Variants in KCNQ5 observed in about 807,000 individuals in gnomAD.
KCNQ5 encodes the protein potassium voltage-gated channel subfamily Q member 5, also known as potassium voltage-gated channel subfamily KQT member 5.
In KCNQ5, 30 loss-of-function variants were observed where a neutral mutation model predicts 98.2. That is an observed-to-expected ratio of 0.31 (90% CI 0.23 to 0.41). The LOEUF (loss-of-function observed/expected upper bound fraction) is 0.41. KCNQ5 is among the 10% of genes least tolerant of loss of function. The probability of loss-of-function intolerance (pLI) is 1.00; values close to 1 mark genes in which losing one functional copy is unlikely to be tolerated. For missense variants in KCNQ5, 835 were observed against 1,182.5 expected (o/e 0.71, Z 4.31); for synonymous variants, 458 against 449.4 (o/e 1.02, Z -0.24).
intron 3 of KCNQ5, among the ~76,000 whole-genome samples, chr6:73,065,049 GAGAAA>G (rs1377087067): frequency 6.8e-6 from 1 of 146,802 alleles, no homozygotes; most frequent in Admixed American, 6.8e-5. Flanking sequence ...CCTGTAGCAT[GAGAAA>G]AAAAAAAAAA....
Position 72,838,463 on chromosome 6 carries a change from C to T in KCNQ5, c.399-165445C>T, listed in dbSNP as rs536693393. On this transcript the variant is annotated intron_variant, in intron 1 of 13. Coordinates refer to ENST00000370398, the MANE Select transcript of KCNQ5 (RefSeq NM_019842.4). ...TTAAAAACATAGCTTAACAACACTG[C>T]TCTCAAATTATATCACTTTAATTTT... Among the ~76,000 whole-genome samples, 35 of 152,206 alleles carry T rather than the reference C, an allele frequency of 2.3e-4. 1 individual carries two copies. The South Asian group carries it at 6.2e-3, about 27-fold the overall frequency.
chr6:73,096,115 G>C (rs564161389), intron 5 of KCNQ5, among the ~76,000 whole-genome samples: 1 of 152,210 alleles, frequency 6.6e-6, no homozygotes, highest in East Asian at 1.9e-4. Flanking sequence ...AGATCCAAGA[G>C]TCCCAAAATT....
rs538795665 is a variant in KCNQ5, at chr6:72,942,594, A to G, written c.399-61314A>G. Among the ~76,000 whole-genome samples the G allele has an allele frequency of 9.2e-5, 14 of 152,366 alleles. No homozygotes were observed. The South Asian group carries it at 2.7e-3, about 29-fold the overall frequency. On this transcript the variant is annotated intron_variant, in intron 1 of 13. Transcript: ENST00000370398. The stretch of plus-strand genomic sequence containing the variant: ...TACTAATTTACTTTTAACTTTTCAG[A>G]TTATTTTGGGAAAATTTGAATACAG...
chr6:72,679,454 T>G (rs562334368), intron 1 of KCNQ5, among the ~76,000 whole-genome samples: 1 of 151,868 alleles, frequency 6.6e-6, no homozygotes, highest in Admixed American at 6.6e-5. Context: ...ATCATCATTC[T>G]CAGTAAAGTA....
At chr6:72,919,113 T>G (rs1306039101) in intron 1 of KCNQ5, among the ~76,000 whole-genome samples, 1 of 152,184 alleles carries the variant, frequency 6.6e-6, no homozygotes, top group Non-Finnish European at 1.5e-5. Flanking sequence ...CTAGATGGCT[T>G]TTTCCCAAAA....
rs555379898 is a variant in KCNQ5 at position 72,916,778 on chromosome 6, C to CA, written c.399-87123dup. Among the ~76,000 whole-genome samples the CA allele has an allele frequency of 2.7e-3, 412 of 152,108 alleles. 2 individuals are homozygous for CA. Among genetic ancestry groups the CA allele is most frequent in the African/African-American group, 9.7e-3 (402 of 41,502 alleles). ...TAATAATTGATTTTATATACCCCCC[C>CA]AAAAAAAGTTTACTTGCTGGGCCAT... On this transcript the variant is annotated intron_variant, in intron 1 of 13. Transcript: ENST00000370398.
At chr6:73,088,904 A>G (rs1299077615) in intron 5 of KCNQ5, among the ~76,000 whole-genome samples, 3 of 152,008 alleles carry the variant, frequency 2.0e-5, no homozygotes, top group Non-Finnish European at 4.4e-5. Context: ...CTCCACTCTC[A>G]TAGTGTCTTA....
At chr6:72,631,535 A>G (rs578220014) in intron 1 of KCNQ5, among the ~76,000 whole-genome samples, 18 of 152,326 alleles carry the variant, frequency 1.2e-4, no homozygotes, top group South Asian at 4.1e-4. Context: ...TGAAATGTAG[A>G]GAGTGGTTTA....
intron 1 of KCNQ5, among the ~76,000 whole-genome samples, chr6:72,767,205 A>G (rs1016628175): frequency 6.6e-6 from 1 of 152,008 alleles, no homozygotes; most frequent in African/African-American, 2.4e-5. Context: ...TAGAAATGCA[A>G]ATGAACTTGT....
chr6:72,771,347 A>G (rs1233614295), intron 1 of KCNQ5, among the ~76,000 whole-genome samples: 3 of 152,260 alleles, frequency 2.0e-5, no homozygotes. Context: ...TGAATAAAGG[A>G]CTTGAAGAAT....
At chr6:72,777,024 G>A (rs1014128743) in intron 1 of KCNQ5, among the ~76,000 whole-genome samples, 1 of 152,142 alleles carries the variant, frequency 6.6e-6, no homozygotes, top group Non-Finnish European at 1.5e-5. Flanking sequence ...GTAAAAGAGG[G>A]AAAGGGAAAT....
intron 1 of KCNQ5, among the ~76,000 whole-genome samples, chr6:72,906,255 T>C (rs143900956): frequency 2.4e-4 from 37 of 152,286 alleles, no homozygotes; most frequent in Non-Finnish European, 4.7e-4. Context: ...ATGCCCCTGC[T>C]AGCAGCACTG....
intron 1 of KCNQ5, among the ~76,000 whole-genome samples, chr6:72,937,861 G>A (rs1766019378): frequency 6.6e-6 from 1 of 152,126 alleles, no homozygotes; most frequent in African/African-American, 2.4e-5. Flanking sequence ...ATATATTTAT[G>A]TAGACCCCAA....
At chr6:72,808,302 A>G (rs1775054235) in intron 1 of KCNQ5, among the ~76,000 whole-genome samples, 4 of 152,206 alleles carry the variant, frequency 2.6e-5, no homozygotes, top group African/African-American at 9.7e-5. Flanking sequence ...CACTTTGGGA[A>G]TGGCAAAAAT....
At chr6:73,036,179 G>C (rs1771415051) in intron 2 of KCNQ5, among the ~76,000 whole-genome samples, 1 of 151,996 alleles carries the variant, frequency 6.6e-6, no homozygotes, top group African/African-American at 2.4e-5. Context: ...GAGGTCAGGA[G>C]ATCAAGACCA....
intron 11 of KCNQ5, among the ~76,000 whole-genome samples, chr6:73,184,856 T>C (rs551939460): frequency 2.6e-5 from 4 of 152,296 alleles, no homozygotes; most frequent in Admixed American, 2.0e-4. Context: ...GCAGGCAGCA[T>C]GCAGAGGAAT....
intron 10 of KCNQ5, among the ~76,000 whole-genome samples, chr6:73,139,492 A>G (rs921949406): frequency 2.6e-5 from 4 of 152,194 alleles, no homozygotes; most frequent in African/African-American, 9.7e-5. Flanking sequence ...AGGAGTCAGC[A>G]TGTCCTTAAA....
intron 1 of KCNQ5, among the ~76,000 whole-genome samples, chr6:72,860,927 G>T (rs1777740297): frequency 6.6e-6 from 1 of 151,996 alleles, no homozygotes; most frequent in African/African-American, 2.4e-5. Flanking sequence ...ACTCTACTCT[G>T]AGTAGTTTTC....
intron 1 of KCNQ5, among the ~76,000 whole-genome samples, chr6:72,981,474 A>G (rs1031864275): frequency 2.0e-5 from 3 of 148,942 alleles, no homozygotes; most frequent in African/African-American, 7.5e-5. Flanking sequence ...CTCTGATGGT[A>G]GTTTGTATTT....
Sources: allele counts gnomAD v4.1 joint callset (sites outside exome capture counted in the v4.1 genomes callset), GRCh38; gene constraint gnomAD v4.1.1; transcripts MANE v1.5; gene names NCBI Gene and HGNC (gene_info 2026-07-23, HGNC 2026-07-21).